The following SPATA6 variants were observed in gnomAD, a reference collection of about 807,000 sequenced individuals.
The protein encoded by SPATA6 is spermatogenesis-associated protein 6.
In SPATA6, 56 loss-of-function variants were observed where a neutral mutation model predicts 65.3. That is an observed-to-expected ratio of 0.86 (90% CI 0.69 to 1.07). The LOEUF (loss-of-function observed/expected upper bound fraction) is 1.07. Ranked by LOEUF, SPATA6 falls within the 50% of genes least tolerant of loss-of-function variation. The pLI is 0.00. For missense variants in SPATA6, 590 were observed against 594.8 expected (o/e 0.99, Z 0.08); for synonymous variants, 199 against 213.2 (o/e 0.93, Z 0.58).
chr1:48,338,283 GT>G (rs1248993045), intron 11 of SPATA6, among the ~76,000 whole-genome samples: 1 of 151,994 alleles, frequency 6.6e-6, no homozygotes, highest in African/African-American at 2.4e-5. Context: ...CAATGCTTCT[GT>G]TGCCTGTACA....
the SPATA6 span, among the ~76,000 whole-genome samples, chr1:48,278,474 G>C: frequency 6.6e-6 from 1 of 152,178 alleles, no homozygotes; most frequent in African/African-American, 2.4e-5. Context: ...ACCCAATACA[G>C]AGAACTGCTT....
intron 2 of SPATA6, 45 bp from the exon 3 acceptor site, chr1:48,451,645 T>A: frequency 6.5e-7 from 1 of 1,547,788 alleles, no homozygotes. Flanking sequence ...AAGATATATA[T>A]TTTTTTTCTC....
In SPATA6 at chr1:48,450,340, GAA is replaced by G. The variant is rs35798267; in HGVS notation, c.238+1210_238+1211del. 3.6e-3 allele frequency among the ~76,000 whole-genome samples: 494 copies of G among 137,942 alleles called. 3 individuals are homozygous for G. Among genetic ancestry groups the G allele is most frequent in the Middle Eastern group, 7.6e-3 (2 of 262 alleles). 90.5% of individuals were successfully genotyped at this position (137,942 alleles called of 152,430 possible). On this transcript the variant is annotated intron_variant, in intron 3 of 12. Transcript: ENST00000371847. Reference sequence around the variant, plus strand: ...ACTAGTGGTTGGGAAGAGAGCCCAAGAAAAAAAAAAAAAAATCAGGGAAATCA... The same window carrying G: ...ACTAGTGGTTGGGAAGAGAGCCCAAGAAAAAAAAAAAAATCAGGGAAATCA...
At chr1:48,277,198 G>GCCAA in the SPATA6 span, among the ~76,000 whole-genome samples, 8 of 151,728 alleles carry the variant, frequency 5.3e-5, no homozygotes, top group Non-Finnish European at 8.8e-5. Flanking sequence ...GGAGGCTGGA[G>GCCAA]CCAAGATGGC....
At chr1:48,424,678 AT>A (rs1557694000) in intron 3 of SPATA6, among the ~76,000 whole-genome samples, 1 of 152,168 alleles carries the variant, frequency 6.6e-6, no homozygotes, top group African/African-American at 2.4e-5. Flanking sequence ...GATAAAAGCC[AT>A]TTTAACTACG....
At chr1:48,269,094 T>C in the SPATA6 span, among the ~76,000 whole-genome samples, 1 of 152,204 alleles carries the variant, frequency 6.6e-6, no homozygotes, top group African/African-American at 2.4e-5. Flanking sequence ...AAATAACTAG[T>C]AAATTTAAGA....
chr1:48,369,088 T>C (rs1031210377), intron 9 of SPATA6, among the ~76,000 whole-genome samples: 1 of 152,100 alleles, frequency 6.6e-6, no homozygotes, highest in Non-Finnish European at 1.5e-5. Context: ...GTATCAGCAG[T>C]GGTGGCTGCA....
rs1198554018 is a variant in SPATA6 at position 48,442,006 on chromosome 1, C to G, written c.238+9546G>C. On this transcript the variant is annotated intron_variant, in intron 3 of 12. Transcript: ENST00000371847. Reference sequence around the variant, plus strand: ...ACTTTTCTCCCAGAGGATGGGGAACCAATCGAGCATGACTGCCAACAAATT... The same window carrying G: ...ACTTTTCTCCCAGAGGATGGGGAACGAATCGAGCATGACTGCCAACAAATT... Among the ~76,000 whole-genome samples the G allele has an allele frequency of 2.0e-5, 3 of 152,178 alleles. No individual in the cohort carries two copies. In the South Asian group the frequency reaches 6.2e-4, roughly 32 times the overall value.
chr1:48,351,260 C>CA (rs1316770320), intron 11 of SPATA6, among the ~76,000 whole-genome samples: 3 of 151,956 alleles, frequency 2.0e-5, no homozygotes, highest in African/African-American at 7.2e-5. Flanking sequence ...GAGTTTTCTA[C>CA]ATAAATAATC....
chr1:48,417,668 T>C (rs1211349453), intron 3 of SPATA6, among the ~76,000 whole-genome samples: 1 of 151,564 alleles, frequency 6.6e-6, no homozygotes, highest in East Asian at 1.9e-4. Flanking sequence ...ACAAAAAAAT[T>C]AGCCAGGCAT....
chr1:48,462,304 C>A (rs1471037476), intron 1 of SPATA6, among the ~76,000 whole-genome samples: 1 of 151,886 alleles, frequency 6.6e-6, no homozygotes, highest in African/African-American at 2.4e-5. Flanking sequence ...TGTAACAAAC[C>A]GGCCCATTGT....
chr1:48,274,115 A>T, the SPATA6 span, among the ~76,000 whole-genome samples: 2 of 151,868 alleles, frequency 1.3e-5, no homozygotes, highest in Admixed American at 6.6e-5. Flanking sequence ...GCTTTTTTTC[A>T]TATGTTTGTT....
chr1:48,439,482 T>C (rs1655258981), intron 3 of SPATA6, among the ~76,000 whole-genome samples: 1 of 151,976 alleles, frequency 6.6e-6, no homozygotes, highest in Admixed American at 6.6e-5. Flanking sequence ...GCAAGAGTGA[T>C]TTCTGCTGCT....
chr1:48,349,898 T>C (rs1216987550), intron 11 of SPATA6, among the ~76,000 whole-genome samples: 1 of 151,964 alleles, frequency 6.6e-6, no homozygotes. Context: ...CTCCACCTTT[T>C]GGCAACCATA....
At chr1:48,278,547 G>A in the SPATA6 span, among the ~76,000 whole-genome samples, 1 of 152,206 alleles carries the variant, frequency 6.6e-6, no homozygotes, top group East Asian at 1.9e-4. Context: ...AGAAGCCTCA[G>A]GAGCTGATGT....
chr1:48,450,140 AT>A (rs1656430831), intron 3 of SPATA6, among the ~76,000 whole-genome samples: 1 of 152,138 alleles, frequency 6.6e-6, no homozygotes, highest in Admixed American at 6.5e-5. Flanking sequence ...AAAGACTAAC[AT>A]GGAAGTAATT....
intron 11 of SPATA6, among the ~76,000 whole-genome samples, chr1:48,351,399 T>G (rs1646511045): frequency 6.6e-6 from 1 of 152,006 alleles, no homozygotes; most frequent in Non-Finnish European, 1.5e-5. Context: ...TTCCGAACTT[T>G]GAGAAAAAGT....
chr1:48,441,838 T>C (rs1655513669), intron 3 of SPATA6, among the ~76,000 whole-genome samples: 1 of 152,156 alleles, frequency 6.6e-6, no homozygotes, highest in Non-Finnish European at 1.5e-5. Flanking sequence ...GATCTTACTA[T>C]CTGGACTACT....
chr1:48,371,661 T>C (rs1429106292), intron 9 of SPATA6, among the ~76,000 whole-genome samples: 1 of 152,184 alleles, frequency 6.6e-6, no homozygotes, highest in Non-Finnish European at 1.5e-5. Flanking sequence ...AACTGTACTA[T>C]CTAGAACCTG....
Sources: allele counts gnomAD v4.1 joint callset (sites outside exome capture counted in the v4.1 genomes callset), GRCh38; gene constraint gnomAD v4.1.1; transcripts MANE v1.5; gene names NCBI Gene and HGNC (gene_info 2026-07-23, HGNC 2026-07-21).